The following ZCCHC14 variants were observed in gnomAD, a reference collection of about 807,000 sequenced individuals.
The protein encoded by ZCCHC14 is zinc finger CCHC-type containing 14, also known as zinc finger CCHC domain-containing protein 14.
In ZCCHC14, 16 loss-of-function variants were observed where a neutral mutation model predicts 85.0. The observed-to-expected ratio is 0.19, with a 90% confidence interval of 0.13 to 0.29. ZCCHC14 has a LOEUF of 0.29. Ranked by LOEUF, ZCCHC14 falls within the 10% of genes least tolerant of loss-of-function variation. The probability of loss-of-function intolerance (pLI) is 1.00; values close to 1 mark genes in which losing one functional copy is unlikely to be tolerated. For synonymous variants in ZCCHC14, 775 were observed against 630.7 expected, an observed-to-expected ratio of 1.23 and a Z score of -3.43; for missense variants, 1,303 against 1,443.5, an observed-to-expected ratio of 0.90 and a Z score of 1.58.
intron 1 of ZCCHC14, among the ~76,000 whole-genome samples, chr16:87,487,675 C>G (rs529647761): frequency 6.6e-6 from 1 of 152,234 alleles, no homozygotes; most frequent in Non-Finnish European, 1.5e-5. Flanking sequence ...GGGGTGAAGA[C>G]AAAGAGCCTA....
At chr16:87,487,385 G>A (rs1052399267) in intron 1 of ZCCHC14, among the ~76,000 whole-genome samples, 10 of 152,204 alleles carry the variant, frequency 6.6e-5, no homozygotes, top group Admixed American at 1.3e-4. Context: ...GGCCCTCACA[G>A]CTGCAGCTCA....
At chr16:87,438,715 G>A (rs1222185601) in intron 2 of ZCCHC14, among the ~76,000 whole-genome samples, 1 of 152,196 alleles carries the variant, frequency 6.6e-6, no homozygotes, top group African/African-American at 2.4e-5. Context: ...CACGAGGCCT[G>A]GGCCCACGGT....
intron 3 of ZCCHC14, among the ~76,000 whole-genome samples, chr16:87,432,904 C>G (rs1909732812): frequency 6.6e-6 from 1 of 152,174 alleles, no homozygotes; most frequent in African/African-American, 2.4e-5. Context: ...CTGACAACCC[C>G]AGGCCCTGCC....
At chr16:87,463,265 C>T (rs1911359834) in intron 1 of ZCCHC14, among the ~76,000 whole-genome samples, 3 of 151,814 alleles carry the variant, frequency 2.0e-5, no homozygotes, top group African/African-American at 7.3e-5. Flanking sequence ...GCCTGCAGTC[C>T]CAACTACTTG....
intron 7 of ZCCHC14, 73 bp downstream of exon 7, chr16:87,418,774 T>C: frequency 2.1e-6 from 3 of 1,458,544 alleles, no homozygotes; most frequent in South Asian, 2.4e-5. Context: ...TTGGAACAAC[T>C]TTACACAGAA....
chr16:87,422,517 G>A (rs1909153989), intron 4 of ZCCHC14, among the ~76,000 whole-genome samples: 1 of 151,714 alleles, frequency 6.6e-6, no homozygotes, highest in Non-Finnish European at 1.5e-5. Context: ...CTGAGGTCAG[G>A]AGTTCAAGAG....
At chr16:87,463,049 C>G (rs189130683) in intron 1 of ZCCHC14, among the ~76,000 whole-genome samples, 77 of 150,574 alleles carry the variant, frequency 5.1e-4, no homozygotes, top group African/African-American at 1.9e-3. Context: ...GCCTGGGCAA[C>G]GAGAGTGAAA....
intron 1 of ZCCHC14, among the ~76,000 whole-genome samples, chr16:87,477,276 G>T (rs947029378): frequency 6.6e-6 from 1 of 152,152 alleles, no homozygotes; most frequent in Non-Finnish European, 1.5e-5. Context: ...ATCAGACTGC[G>T]GTACTGAGGA....
chr16:87,423,459 G>C (rs1189028361), intron 4 of ZCCHC14, among the ~76,000 whole-genome samples: 3 of 152,164 alleles, frequency 2.0e-5, no homozygotes, highest in Non-Finnish European at 2.9e-5. Context: ...TACCCACTCA[G>C]CCACCTGAGC....
intron 2 of ZCCHC14, among the ~76,000 whole-genome samples, chr16:87,450,402 T>C (rs1025486610): frequency 2.0e-5 from 3 of 152,336 alleles, no homozygotes; most frequent in African/African-American, 7.2e-5. Flanking sequence ...CCTTCTTCCC[T>C]ACATCTTTTT....
At chr16:87,452,903 G>C in intron 2 of ZCCHC14, among the ~76,000 whole-genome samples, 1 of 152,224 alleles carries the variant, frequency 6.6e-6, no homozygotes, top group East Asian at 1.9e-4. Context: ...GTGACAGGGA[G>C]GAGGGCTCAG....
chr16:87,406,409 A>G lies in ZCCHC14; in HGVS notation c.*3871T>C, dbSNP rs1397842818. 6.6e-6 allele frequency: 1 copy of G among 152,632 alleles called. No individual in the cohort carries two copies. Among genetic ancestry groups the G allele is most frequent in the Non-Finnish European group, 1.5e-5 (1 of 68,046 alleles). 9.5% of individuals were successfully genotyped at this position (152,632 alleles called of 1,614,324 possible). A position where few individuals can be genotyped will look rare whatever the true frequency, so the allele number is the denominator to read the frequency against. On this transcript the variant is annotated 3_prime_UTR_variant, in exon 13 of 13. Coordinates refer to ENST00000671377, the MANE Select transcript of ZCCHC14 (RefSeq NM_015144.3). ...CAAAATCAAATTAGCGGAATATTAAATATTTACAAAACTATATCTTTTAAA... is the reference window on the plus strand; with the variant it reads ...CAAAATCAAATTAGCGGAATATTAAGTATTTACAAAACTATATCTTTTAAA...
chr16:87,422,000 G>C (rs543977880), intron 4 of ZCCHC14, among the ~76,000 whole-genome samples: 33 of 152,232 alleles, frequency 2.2e-4, no homozygotes, highest in Admixed American at 7.9e-4. Flanking sequence ...ACCAGATTCA[G>C]AAATAACTCA....
intron 1 of ZCCHC14, among the ~76,000 whole-genome samples, chr16:87,468,919 G>A (rs1911657102): frequency 1.3e-5 from 2 of 152,214 alleles, no homozygotes; most frequent in African/African-American, 4.8e-5. Flanking sequence ...GTCTGCATGT[G>A]GAATACCTGG....
chr16:87,481,942 T>C (rs1912299289), intron 1 of ZCCHC14, among the ~76,000 whole-genome samples: 1 of 152,132 alleles, frequency 6.6e-6, no homozygotes, highest in Non-Finnish European at 1.5e-5. Context: ...GGACATCCCA[T>C]GGTGGAAGGC....
chr16:87,465,831 T>A (rs1056508692), intron 1 of ZCCHC14, among the ~76,000 whole-genome samples: 1 of 152,026 alleles, frequency 6.6e-6, no homozygotes, highest in Non-Finnish European at 1.5e-5. Context: ...CTTATTTTTT[T>A]ATTAAAAAAA....
chr16:87,414,562 G>A (rs143648304), intron 9 of ZCCHC14, 21 bp from the exon 10 acceptor site: 1 of 1,602,754 alleles, frequency 6.2e-7, no homozygotes, highest in African/African-American at 1.3e-5. Flanking sequence ...ATCAAGCACA[G>A]GAACAAGTGA....
intron 1 of ZCCHC14, among the ~76,000 whole-genome samples, chr16:87,466,655 G>A (rs1357033008): frequency 1.3e-5 from 2 of 152,194 alleles, no homozygotes; most frequent in African/African-American, 4.8e-5. Context: ...TCACAGGAGC[G>A]CTGAGCATGA....
chr16:87,432,474 T>A (rs1909711007), intron 3 of ZCCHC14, among the ~76,000 whole-genome samples: 1 of 152,102 alleles, frequency 6.6e-6, no homozygotes, highest in African/African-American at 2.4e-5. Context: ...GCTAGCACCT[T>A]GGGCCGGGAG....
Sources: gnomAD v4.1 joint callset for allele counts (sites outside exome capture counted in the v4.1 genomes callset) on GRCh38, gnomAD v4.1.1 for gene constraint, MANE v1.5 for transcripts, NCBI Gene and HGNC (gene_info 2026-07-23, HGNC 2026-07-21) for gene names.